Variants in NXPE2 observed in about 807,000 individuals in gnomAD.
NXPE2 encodes neurexophilin and PC-esterase domain family member 2.
A neutral mutation model predicts 34.4 loss-of-function variants in NXPE2; 34 were observed. That is an observed-to-expected ratio of 0.99 (90% CI 0.75 to 1.31). NXPE2 has a LOEUF of 1.31. Among genes scored for constraint, NXPE2 ranks in the 40% most tolerant of loss-of-function variants. The pLI, the probability that NXPE2 is intolerant of heterozygous loss-of-function variation, is 0.00. For missense variants in NXPE2, 649 were observed against 672.5 expected (o/e 0.97, Z 0.39); for synonymous variants, 235 against 231.3 (o/e 1.02, Z -0.15).
At chr11:114,473,563 G>A in the NXPE2 span, among the ~76,000 whole-genome samples, 3 of 152,064 alleles carry the variant, frequency 2.0e-5, no homozygotes, top group African/African-American at 7.3e-5. Context: ...CAAACACAGA[G>A]GTTATAAAAC....
the NXPE2 span, among the ~76,000 whole-genome samples, chr11:114,797,377 AC>A: frequency 6.6e-6 from 1 of 152,088 alleles, no homozygotes; most frequent in South Asian, 2.1e-4. Flanking sequence ...CTGACACCCC[AC>A]CTTCTTCTAT....
chr11:114,761,331 C>A, the NXPE2 span, among the ~76,000 whole-genome samples: 1 of 152,152 alleles, frequency 6.6e-6, no homozygotes, highest in Non-Finnish European at 1.5e-5. Context: ...AGAAAGCAAT[C>A]CGTTATTTTC....
the NXPE2 span, chr11:114,553,942 G>A: frequency 3.0e-6 from 3 of 985,354 alleles, no homozygotes; most frequent in Non-Finnish European, 3.6e-6. Flanking sequence ...TTTTCTGGGA[G>A]AGCAGGTTTG....
At chr11:114,800,055 G>A in the NXPE2 span, among the ~76,000 whole-genome samples, 1 of 152,050 alleles carries the variant, frequency 6.6e-6, no homozygotes, top group African/African-American at 2.4e-5. Context: ...CCGGCTATTT[G>A]GATCCAATGC....
chr11:114,494,657 T>C, the NXPE2 span, among the ~76,000 whole-genome samples: 20 of 152,356 alleles, frequency 1.3e-4, no homozygotes, highest in African/African-American at 4.8e-4. Context: ...TTTTGAATTC[T>C]CTGTCTGAAA....
chr11:114,513,044 C>G, the NXPE2 span: 6 of 448,204 alleles, frequency 1.3e-5, no homozygotes, highest in South Asian at 3.7e-5. Context: ...TGACCCCCCC[C>G]AGAACAAAGT....
At chr11:114,642,183 G>A in the NXPE2 span, among the ~76,000 whole-genome samples, 19 of 151,952 alleles carry the variant, frequency 1.3e-4, no homozygotes, top group African/African-American at 4.6e-4. Flanking sequence ...ATGATGTGAT[G>A]AAAATGGCAT....
chr11:114,752,080 C>T, the NXPE2 span, among the ~76,000 whole-genome samples: 3 of 152,158 alleles, frequency 2.0e-5, no homozygotes, highest in African/African-American at 7.2e-5. Context: ...TAAGATGCTA[C>T]GTTTGTGTTA....
the NXPE2 span, among the ~76,000 whole-genome samples, chr11:114,614,995 CG>C: frequency 6.7e-6 from 1 of 149,932 alleles, no homozygotes; most frequent in Non-Finnish European, 1.5e-5. Context: ...CACTGTTACC[CG>C]GTTTATAATA....
the NXPE2 span, among the ~76,000 whole-genome samples, chr11:114,510,639 T>G: frequency 6.6e-6 from 1 of 152,272 alleles, no homozygotes; most frequent in African/African-American, 2.4e-5. Flanking sequence ...TGATCCATGG[T>G]TAGAAAGCAA....
the NXPE2 span, among the ~76,000 whole-genome samples, chr11:114,534,691 G>A: frequency 6.6e-6 from 1 of 152,190 alleles, no homozygotes; most frequent in Non-Finnish European, 1.5e-5. Flanking sequence ...ATCAGTGATG[G>A]AAGACGAAAT....
the NXPE2 span, among the ~76,000 whole-genome samples, chr11:114,562,802 T>A: frequency 3.1e-4 from 47 of 152,322 alleles, 1 homozygote; most frequent in African/African-American, 8.7e-4. Context: ...GTTCAAACAA[T>A]GTAATCAAGC....
the NXPE2 span, among the ~76,000 whole-genome samples, chr11:114,556,021 C>T: frequency 6.6e-6 from 1 of 151,958 alleles, no homozygotes; most frequent in African/African-American, 2.4e-5. Flanking sequence ...TGGTAAGTAC[C>T]TAAGGGTGGA....
At chr11:114,809,478 T>C in the NXPE2 span, among the ~76,000 whole-genome samples, 1 of 132,224 alleles carries the variant, frequency 7.6e-6, no homozygotes. Context: ...CTCAAGCTGA[T>C]AAGCAACTTC....
chr11:114,528,017 T>C, the NXPE2 span: 1 of 659,814 alleles, frequency 1.5e-6, no homozygotes, highest in Admixed American at 3.0e-5. Context: ...GAAGCTGTTA[T>C]TATTGTTGTA....
At chr11:114,552,752 A>C in the NXPE2 span, 1 of 337,010 alleles carries the variant, frequency 3.0e-6, no homozygotes, top group African/African-American at 2.5e-5. Flanking sequence ...AGCAGCATTG[A>C]AAAAAAAGTA....
At chr11:114,581,626 G>A in the NXPE2 span, 3 of 936,722 alleles carry the variant, frequency 3.2e-6, no homozygotes, top group South Asian at 2.9e-5. Context: ...TGAACAGAGT[G>A]CTGATAGGAC....
chr11:114,659,345 G>A, the NXPE2 span, among the ~76,000 whole-genome samples: 15 of 151,910 alleles, frequency 9.9e-5, no homozygotes, highest in African/African-American at 2.4e-4. Context: ...ATGAAGTATC[G>A]TTTTGATGGC....
At chr11:114,613,705 T>C in the NXPE2 span, among the ~76,000 whole-genome samples, 1 of 151,968 alleles carries the variant, frequency 6.6e-6, no homozygotes, top group African/African-American at 2.4e-5. Flanking sequence ...GAGCCACTGT[T>C]ACCCAGCAGG....
Sources: allele counts gnomAD v4.1 joint callset (sites outside exome capture counted in the v4.1 genomes callset), GRCh38; gene constraint gnomAD v4.1.1; transcripts MANE v1.5; gene names NCBI Gene and HGNC (gene_info 2026-07-23, HGNC 2026-07-21).